Variants in ZNF608 observed in about 807,000 individuals in gnomAD.
ZNF608 encodes zinc finger protein 608.
In ZNF608, 12 loss-of-function variants were observed where a neutral mutation model predicts 109.0. The observed-to-expected ratio is 0.11, with a 90% CI of 0.07 to 0.18. The LOEUF is 0.18. Among genes scored for constraint, ZNF608 ranks in the 10% least tolerant of loss-of-function variants. ZNF608 has a pLI of 1.00. For synonymous variants in ZNF608, 732 were observed against 717.4 expected (o/e 1.02, Z -0.33); for missense variants, 1,707 against 1,879.3 (o/e 0.91, Z 1.70).
intron 3 of ZNF608, among the ~76,000 whole-genome samples, chr5:124,684,533 T>C (rs1194484458): frequency 6.6e-6 from 1 of 152,200 alleles, no homozygotes; most frequent in Non-Finnish European, 1.5e-5. Flanking sequence ...ATTTAGGTTA[T>C]ATAAAATGCA....
chr5:124,728,983 T>C (rs767548879), intron 2 of ZNF608, among the ~76,000 whole-genome samples: 1 of 152,178 alleles, frequency 6.6e-6, no homozygotes, highest in Non-Finnish European at 1.5e-5. Context: ...AAAGCTAATT[T>C]ATGGGCCCAA....
At chr5:124,725,896 TAAAAA>T (rs1317417949) in intron 2 of ZNF608, among the ~76,000 whole-genome samples, 1 of 152,136 alleles carries the variant, frequency 6.6e-6, no homozygotes, top group Non-Finnish European at 1.5e-5. Context: ...TTCTCCACTT[TAAAAA>T]ATGACAGATA....
At chr5:124,670,469 G>A (rs941833690) in intron 3 of ZNF608, among the ~76,000 whole-genome samples, 9 of 151,858 alleles carry the variant, frequency 5.9e-5, no homozygotes, top group South Asian at 4.2e-4. Flanking sequence ...GAGTCACCAC[G>A]CAAGATAAAA....
upstream of ZNF608, chr5:124,746,815 G>GGGA (rs957119572): frequency 3.6e-5 from 35 of 982,394 alleles, no homozygotes; most frequent in African/African-American, 1.2e-4. Context: ...GGGGAGTAGA[G>GGGA]GGAGGAGGAG....
At chr5:124,652,400 C>T (rs931162085) in intron 3 of ZNF608, among the ~76,000 whole-genome samples, 3 of 152,190 alleles carry the variant, frequency 2.0e-5, no homozygotes, top group African/African-American at 7.2e-5. Context: ...AAATGCTTTA[C>T]ACCCAAGGAG....
chr5:124,745,157 C>T lies in ZNF608; in HGVS notation c.-168G>A. The T allele has an allele frequency of 2.1e-6, 3 of 1,420,726 alleles. No individual in the cohort carries two copies. The highest frequency in any genetic ancestry group is 2.7e-6 in the Non-Finnish European group (3 of 1,096,708). The allele number at this position is 1,420,726 out of a possible 1,614,324, so 88.0% of individuals were successfully genotyped here. A position where few individuals can be genotyped will look rare whatever the true frequency, so the allele number is the denominator to read the frequency against. On this transcript the variant is annotated 5_prime_UTR_variant, in exon 2 of 10. Transcript: ENST00000513986. ...TGTCCAGGGATTTTACACCCTCAGT[C>T]CAGGTCCACCTTTTCCTGTGAAGGG...
intron 3 of ZNF608, among the ~76,000 whole-genome samples, chr5:124,688,615 C>A (rs1043640551): frequency 6.6e-6 from 1 of 152,188 alleles, no homozygotes; most frequent in Non-Finnish European, 1.5e-5. Flanking sequence ...TTCAACTCAG[C>A]AATTCAGTTT....
intron 2 of ZNF608, among the ~76,000 whole-genome samples, chr5:124,708,360 C>T (rs192336784): frequency 6.6e-6 from 1 of 152,344 alleles, no homozygotes; most frequent in East Asian, 1.9e-4. Context: ...CACTCAGGGT[C>T]GGTGGCTGAG....
At chr5:124,711,369 A>G (rs1468410390) in intron 2 of ZNF608, among the ~76,000 whole-genome samples, 1 of 152,236 alleles carries the variant, frequency 6.6e-6, no homozygotes, top group Non-Finnish European at 1.5e-5. Flanking sequence ...TGACATGACC[A>G]TATACTATTT....
chr5:124,717,849 T>G (rs1753764186), intron 2 of ZNF608, among the ~76,000 whole-genome samples: 1 of 152,196 alleles, frequency 6.6e-6, no homozygotes. Flanking sequence ...GATGGGGGAC[T>G]CTGGGTGTGT....
Position 124,644,384 on chromosome 5 carries a change from G to A in ZNF608, c.3983C>T (p.Thr1328Ile). The change falls in exon 6 of 10, where the codon ACA becomes ATA. Residue 1328 changes from threonine to isoleucine, a missense_variant. By Grantham distance (89) the Thr-to-Ile change is moderately conservative. Coordinates refer to ENST00000513986, the MANE Select transcript of ZNF608 (RefSeq NM_020747.3). ...TPVNWKDSRG[T>I]RVAVSSPMSQ... Reference sequence around the variant, plus strand: ...CATGGGTGAGGAGACAGCCACTCTTGTTCCCCGAGAGTCCTTCCAGTTCAC... The same window carrying A: ...CATGGGTGAGGAGACAGCCACTCTTATTCCCCGAGAGTCCTTCCAGTTCAC... The A allele has an allele frequency of 1.2e-6, 2 of 1,614,142 alleles. No homozygotes were observed. The highest frequency in any genetic ancestry group is 1.7e-6 in the Non-Finnish European group (2 of 1,180,036).
At chr5:124,638,229 C>T (rs2149777727) in intron 9 of ZNF608, among the ~76,000 whole-genome samples, 1 of 150,498 alleles carries the variant, frequency 6.6e-6, no homozygotes, top group Middle Eastern at 3.5e-3. Flanking sequence ...GGATTACAGG[C>T]ATAAGCCACC....
chr5:124,648,239 T>C lies in ZNF608; in HGVS notation c.2145A>G (p.Glu715=), dbSNP rs1750624822. The part of the protein sequence containing the change: ...LIDKKNLGDK[E]KGKKATNCKT... Reference sequence around the variant, plus strand: ...TGCAGTTGGTAGCTTTTTTGCCCTTTTCTTTATCTCCTAAATTTTTCTTGT... The same window carrying C: ...TGCAGTTGGTAGCTTTTTTGCCCTTCTCTTTATCTCCTAAATTTTTCTTGT... The change falls in exon 5 of 10, where the codon GAA becomes GAG. Residue 715 remains glutamate, a synonymous_variant. Transcript: ENST00000513986. 1.9e-6 allele frequency: 3 copies of C among 1,614,224 alleles called. No individual in the cohort carries two copies. The South Asian group carries it at 3.3e-5, about 18-fold the overall frequency.
chr5:124,696,430 A>G (rs1199272658), intron 3 of ZNF608, among the ~76,000 whole-genome samples: 1 of 152,206 alleles, frequency 6.6e-6, no homozygotes, highest in Non-Finnish European at 1.5e-5. Flanking sequence ...TGATTCTCTC[A>G]GCACATTCTA....
chr5:124,743,358 TAACACTCTTAAATCTCTAGCTAAG>T (rs1749496863), intron 2 of ZNF608, among the ~76,000 whole-genome samples: 1 of 152,202 alleles, frequency 6.6e-6, no homozygotes, highest in Admixed American at 6.5e-5. Flanking sequence ...ATCCAAGTGA[TAACACTCTTAAATCTCTAGCTAAG>T]AACTGGGTGA....
chr5:124,668,046 A>G (rs1438041399), intron 3 of ZNF608, among the ~76,000 whole-genome samples: 1 of 151,862 alleles, frequency 6.6e-6, no homozygotes, highest in East Asian at 1.9e-4. Flanking sequence ...CATATAAAAT[A>G]AACACCAACA....
intron 3 of ZNF608, among the ~76,000 whole-genome samples, chr5:124,675,084 A>C (rs1561552036): frequency 6.6e-6 from 1 of 152,214 alleles, no homozygotes; most frequent in African/African-American, 2.4e-5. Flanking sequence ...AAATAAATTA[A>C]AAACAAAACA....
chr5:124,652,888 G>A (rs567999453), intron 3 of ZNF608, among the ~76,000 whole-genome samples: 7 of 152,204 alleles, frequency 4.6e-5, no homozygotes, highest in African/African-American at 1.7e-4. Context: ...TTTCTCACAT[G>A]TGAATTGGAA....
chr5:124,727,851 TG>T (rs966175393), intron 2 of ZNF608, among the ~76,000 whole-genome samples: 88 of 151,848 alleles, frequency 5.8e-4, no homozygotes, highest in African/African-American at 2.1e-3. Flanking sequence ...GCGATTCTCT[TG>T]CCTCAGCCTC....
Sources: allele counts gnomAD v4.1 joint callset (sites outside exome capture counted in the v4.1 genomes callset), GRCh38; gene constraint gnomAD v4.1.1; transcripts MANE v1.5; gene names NCBI Gene and HGNC (gene_info 2026-07-23, HGNC 2026-07-21).